The following RSPO2 variants were observed in gnomAD, a reference collection of about 807,000 sequenced individuals.
RSPO2 encodes R-spondin 2, also known as R-spondin-2.
A neutral mutation model predicts 30.9 loss-of-function variants in RSPO2; 14 were observed. That is an observed-to-expected ratio of 0.45 (90% CI 0.30 to 0.71). The LOEUF (loss-of-function observed/expected upper bound fraction) is 0.71. Among genes scored for constraint, RSPO2 ranks in the 30% least tolerant of loss-of-function variants. RSPO2 has a pLI of 0.08. For synonymous variants in RSPO2, 107 were observed against 96.4 expected, an observed-to-expected ratio of 1.11 and a Z score of -0.64; for missense variants, 264 against 301.9, an observed-to-expected ratio of 0.87 and a Z score of 0.93.
intron 5 of RSPO2, among the ~76,000 whole-genome samples, chr8:107,920,934 T>C (rs1812145293): frequency 6.6e-6 from 1 of 152,138 alleles, no homozygotes; most frequent in South Asian, 2.1e-4. Context: ...ACAACCTGTC[T>C]GGAATGCAAT....
At chr8:107,974,660 T>C (rs917218760) in intron 3 of RSPO2, among the ~76,000 whole-genome samples, 1 of 151,942 alleles carries the variant, frequency 6.6e-6, no homozygotes, top group East Asian at 1.9e-4. Flanking sequence ...AGTATCCACA[T>C]TTGTTGAGGG....
chr8:108,074,342 CTTA>C (rs1293255790), intron 2 of RSPO2, among the ~76,000 whole-genome samples: 1 of 152,138 alleles, frequency 6.6e-6, no homozygotes, highest in Non-Finnish European at 1.5e-5. Flanking sequence ...TGCTCTGACC[CTTA>C]TTATTCTAAC....
At chr8:108,082,399 C>A in intron 2 of RSPO2, 146 bp downstream of exon 2, 1 of 628,342 alleles carries the variant, frequency 1.6e-6, no homozygotes, top group South Asian at 1.9e-5. Context: ...GCTCCAGGGT[C>A]CTAAAGGTGG....
chr8:107,904,473 C>T (rs1811577416), intron 5 of RSPO2, among the ~76,000 whole-genome samples: 1 of 151,972 alleles, frequency 6.6e-6, no homozygotes, highest in African/African-American at 2.4e-5. Context: ...ATGCAGTGGC[C>T]TTGACACATC....
intron 5 of RSPO2, among the ~76,000 whole-genome samples, chr8:107,905,272 T>TG (rs772970134): frequency 8.5e-5 from 13 of 152,096 alleles, no homozygotes; most frequent in Non-Finnish European, 1.5e-4. Context: ...GTTTCCATAA[T>TG]GCTGTGTGTT....
chr8:108,067,370 G>T (rs541496980), intron 2 of RSPO2, among the ~76,000 whole-genome samples: 1 of 152,302 alleles, frequency 6.6e-6, no homozygotes, highest in African/African-American at 2.4e-5. Flanking sequence ...ATCTCTATTT[G>T]TAAGAAATAC....
chr8:107,904,529 G>A (rs1811578544), intron 5 of RSPO2, among the ~76,000 whole-genome samples: 2 of 152,024 alleles, frequency 1.3e-5, no homozygotes, highest in African/African-American at 4.8e-5. Flanking sequence ...CAGGTCTACA[G>A]GGCAGATCTT....
chr8:108,025,202 A>G (rs1428579132), intron 2 of RSPO2, among the ~76,000 whole-genome samples: 4 of 152,208 alleles, frequency 2.6e-5, no homozygotes, highest in Admixed American at 2.0e-4. Context: ...AACAGTAATG[A>G]GCATATCCAG....
chr8:108,008,605 T>A (rs1242998334), intron 2 of RSPO2, among the ~76,000 whole-genome samples: 7 of 152,172 alleles, frequency 4.6e-5, no homozygotes, highest in Non-Finnish European at 1.5e-5. Flanking sequence ...TGTCATCATA[T>A]AAGTAACATG....
At chr8:108,043,279 G>A (rs149577961) in intron 2 of RSPO2, among the ~76,000 whole-genome samples, 1 of 152,234 alleles carries the variant, frequency 6.6e-6, no homozygotes, top group African/African-American at 2.4e-5. Context: ...GAATGTTAAT[G>A]TTTTGTCACT....
chr8:108,061,180 A>C (rs1382162729), intron 2 of RSPO2, among the ~76,000 whole-genome samples: 6 of 151,808 alleles, frequency 4.0e-5, no homozygotes, highest in African/African-American at 9.7e-5. Context: ...ATTCACACAT[A>C]ACAATATTAA....
At chr8:107,964,031 T>C (rs887698986) in intron 3 of RSPO2, among the ~76,000 whole-genome samples, 6 of 152,208 alleles carry the variant, frequency 3.9e-5, no homozygotes, top group East Asian at 1.9e-4. Flanking sequence ...AATAAAATAT[T>C]GTCTGTGTAA....
intron 3 of RSPO2, among the ~76,000 whole-genome samples, chr8:107,986,675 G>A (rs1184148100): frequency 1.3e-5 from 2 of 151,964 alleles, no homozygotes; most frequent in African/African-American, 4.8e-5. Flanking sequence ...TACATTATAC[G>A]GCCACCCTAT....
At chr8:108,054,927 A>G (rs2130687099) in intron 2 of RSPO2, among the ~76,000 whole-genome samples, 1 of 152,196 alleles carries the variant, frequency 6.6e-6, no homozygotes, top group Non-Finnish European at 1.5e-5. Flanking sequence ...AAGCCTGGGC[A>G]ACAAAGCAAA....
chr8:108,064,582 A>C lies in RSPO2; in HGVS notation c.94+17963T>G, dbSNP rs546608851. Among the ~76,000 whole-genome samples, 3 of 152,350 alleles carry C rather than the reference A, an allele frequency of 2.0e-5. No individual in the cohort carries two copies. The South Asian group carries it at 6.2e-4, about 32-fold the overall frequency. On this transcript the variant is annotated intron_variant, in intron 2 of 5. Coordinates refer to ENST00000276659, the MANE Select transcript of RSPO2 (RefSeq NM_178565.5). ...ACTTATACACTGTTGGTGGGACTGT[A>C]AACTAGTTCAACCATTGTGGAAGTC...
At chr8:107,974,953 G>A (rs1260892134) in intron 3 of RSPO2, among the ~76,000 whole-genome samples, 1 of 152,046 alleles carries the variant, frequency 6.6e-6, no homozygotes, top group Non-Finnish European at 1.5e-5. Flanking sequence ...TTCTTTAACC[G>A]ATGCAGTAAG....
intron 2 of RSPO2, among the ~76,000 whole-genome samples, chr8:108,030,720 G>A (rs1387125028): frequency 6.6e-6 from 1 of 152,168 alleles, no homozygotes; most frequent in African/African-American, 2.4e-5. Context: ...CAGGGGTGGA[G>A]GGAGGGACTC....
At chr8:108,003,658 CAAA>C (rs1438599755) in intron 2 of RSPO2, among the ~76,000 whole-genome samples, 1 of 151,646 alleles carries the variant, frequency 6.6e-6, no homozygotes, top group Non-Finnish European at 1.5e-5. Context: ...ACAGCAAAGT[CAAA>C]ATAAGGGTTA....
intron 5 of RSPO2, among the ~76,000 whole-genome samples, chr8:107,934,148 A>G (rs1175929850): frequency 6.6e-6 from 1 of 152,206 alleles, no homozygotes; most frequent in Admixed American, 6.5e-5. Flanking sequence ...TAAGGCTAGT[A>G]CTCATGCTGG....
Sources: allele counts gnomAD v4.1 joint callset (sites outside exome capture counted in the v4.1 genomes callset), GRCh38; gene constraint gnomAD v4.1.1; transcripts MANE v1.5; gene names NCBI Gene and HGNC (gene_info 2026-07-23, HGNC 2026-07-21).